KIF9: variants seen among roughly 807,000 people sequenced by gnomAD.
KIF9 encodes kinesin-like protein KIF9.
A neutral mutation model predicts 94.8 loss-of-function variants in KIF9; 68 were observed. The observed-to-expected ratio is 0.72, with a 90% CI of 0.59 to 0.88. KIF9 has a LOEUF of 0.88. KIF9 is among the 40% of genes least tolerant of loss of function. KIF9 has a pLI of 0.00. For synonymous variants in KIF9, 343 were observed against 362.1 expected, an observed-to-expected ratio of 0.95 and a Z score of 0.60; for missense variants, 882 against 982.5, an observed-to-expected ratio of 0.90 and a Z score of 1.37.
At chr3:47,238,188 A>G (rs969184157) in intron 17 of KIF9, among the ~76,000 whole-genome samples, 6 of 152,180 alleles carry the variant, frequency 3.9e-5, no homozygotes, top group Non-Finnish European at 8.8e-5. Context: ...TGGGTCAACA[A>G]GTGGCTGTCA....
rs201688834 is a variant in KIF9 at position 47,243,114 on chromosome 3, C to T, written c.1646G>A (p.Arg549Gln). 778 of 1,613,804 alleles carry T rather than the reference C, an allele frequency of 4.8e-4. 6 individuals are homozygous for T. The highest frequency in any genetic ancestry group is 5.0e-5 in the Non-Finnish European group (59 of 1,179,786). Residue 549 changes from arginine (R) to glutamine (Q), a missense_variant, in exon 16 of 21, where the codon CGG becomes CAG. Physicochemically the swap from Arg to Gln is conservative, Grantham distance 43. Coordinates refer to ENST00000684063, the MANE Select transcript of KIF9 (RefSeq NM_182902.4). ...AAGGGGCTCAATGCTGGAAGTTTCC[C>T]GGTCCCGCGAAAGCATGTCTTTGAC... is the stretch of plus-strand genomic sequence containing the variant. Reference protein sequence around the residue: ...GDVKDMLSRDRETSSIEPLPS... With the variant: ...GDVKDMLSRDQETSSIEPLPS...
At chr3:47,242,127 G>A (rs534462117) in intron 16 of KIF9, among the ~76,000 whole-genome samples, 1 of 151,878 alleles carries the variant, frequency 6.6e-6, no homozygotes, top group Non-Finnish European at 1.5e-5. Flanking sequence ...CAATCCTTTC[G>A]CCTTGGCCAA....
intron 4 of KIF9, among the ~76,000 whole-genome samples, chr3:47,272,617 T>C (rs1360249977): frequency 6.6e-6 from 1 of 152,188 alleles, no homozygotes; most frequent in Non-Finnish European, 1.5e-5. Context: ...AATAAGTTTA[T>C]ATTGATTACA....
chr3:47,271,157 GA>G (rs1701622158), intron 5 of KIF9, 79 bp downstream of exon 5: 2 of 1,013,764 alleles, frequency 2.0e-6, no homozygotes, highest in South Asian at 3.0e-5. Flanking sequence ...AAAAGAAAAA[GA>G]AAAAGAAAAA....
intron 20 of KIF9, 27 bp from the exon 21 acceptor site, chr3:47,228,729 G>A (rs370510208): frequency 1.9e-6 from 3 of 1,600,824 alleles, no homozygotes; most frequent in Non-Finnish European, 2.6e-6. Context: ...GAGAAAACAG[G>A]AACTTATTAG....
chr3:47,278,704 G>A (rs1702128579), intron 1 of KIF9, among the ~76,000 whole-genome samples: 1 of 152,158 alleles, frequency 6.6e-6, no homozygotes, highest in Non-Finnish European at 1.5e-5. Context: ...AGGTGCGGTG[G>A]CTCAGGCCTG....
intron 1 of KIF9, chr3:47,282,246 C>G (rs1178064952): frequency 1.0e-6 from 1 of 985,496 alleles, no homozygotes; most frequent in Non-Finnish European, 1.2e-6. Context: ...CTCACGGCCT[C>G]TATGTCCTGG....
chr3:47,245,121 C>A, intron 14 of KIF9, 197 bp from the exon 15 acceptor site: 1 of 647,582 alleles, frequency 1.5e-6, no homozygotes, highest in Non-Finnish European at 2.6e-6. Flanking sequence ...CCACTTTCCA[C>A]ATGCACCCCC....
At chr3:47,274,799 T>A (rs949948071) in intron 3 of KIF9, among the ~76,000 whole-genome samples, 4 of 151,674 alleles carry the variant, frequency 2.6e-5, no homozygotes, top group African/African-American at 7.3e-5. Flanking sequence ...CAGGATAAAT[T>A]ACAGCATCTA....
At chr3:47,280,674 A>G (rs1051657251) in intron 1 of KIF9, among the ~76,000 whole-genome samples, 1 of 152,196 alleles carries the variant, frequency 6.6e-6, no homozygotes, top group Admixed American at 6.5e-5. Context: ...ACAGCGTGAG[A>G]CTGTCTCAAC....
At chr3:47,249,069 A>G (rs1356664694) in intron 10 of KIF9, among the ~76,000 whole-genome samples, 2 of 149,402 alleles carry the variant, frequency 1.3e-5, no homozygotes, top group Non-Finnish European at 3.0e-5. Context: ...TTATAACCTC[A>G]TCCTTTCACC....
intron 17 of KIF9, chr3:47,239,948 G>A (rs764680831): frequency 1.5e-6 from 2 of 1,366,664 alleles, no homozygotes; most frequent in South Asian, 1.1e-5. Context: ...AGCCAGGAGT[G>A]TGAAGAACAG....
chr3:47,232,887 C>T (rs1698706465), intron 20 of KIF9, among the ~76,000 whole-genome samples: 1 of 148,972 alleles, frequency 6.7e-6, no homozygotes, highest in African/African-American at 2.5e-5. Flanking sequence ...GAGGCTGAGG[C>T]AGGAGAATGG....
intron 9 of KIF9, among the ~76,000 whole-genome samples, chr3:47,261,860 G>GC (rs1455979705): frequency 6.6e-6 from 1 of 152,198 alleles, no homozygotes; most frequent in Admixed American, 6.5e-5. Flanking sequence ...AAGTACAGCC[G>GC]CAAGTATGGC....
chr3:47,281,320 A>G (rs1444583982), intron 1 of KIF9: 2 of 368,234 alleles, frequency 5.4e-6, no homozygotes, highest in African/African-American at 4.1e-5. Context: ...GCACCTCACC[A>G]CACGCTTTTT....
chr3:47,247,601 C>T (rs536120413), intron 11 of KIF9, 124 bp from the exon 12 acceptor site: 175 of 732,612 alleles, frequency 2.4e-4, no homozygotes, highest in Middle Eastern at 1.1e-3. Context: ...CCCAAGCTGG[C>T]TCCTTCCCTT....
chr3:47,275,288 GTTCTTACA>G, intron 3 of KIF9, 29 bp downstream of exon 3: 1 of 1,480,930 alleles, frequency 6.8e-7, no homozygotes, highest in African/African-American at 1.4e-5. Context: ...TACTCCTCAG[GTTCTTACA>G]TAAGACAACA....
chr3:47,261,146 CA>C (rs1475793982), intron 9 of KIF9, among the ~76,000 whole-genome samples: 1 of 152,224 alleles, frequency 6.6e-6, no homozygotes, highest in Non-Finnish European at 1.5e-5. Context: ...TTCAACTCAG[CA>C]GAGGTCTAAA....
In KIF9 at chr3:47,265,790, T is replaced by A. The variant is rs753079182; in HGVS notation, c.856A>T (p.Lys286Ter). Residue 286 changes from lysine to a stop codon, truncating the protein, a stop_gained, in exon 8 of 21, where the codon AAG becomes TAG. Coordinates refer to ENST00000684063, the MANE Select transcript of KIF9 (RefSeq NM_182902.4). LOFTEE classifies it high-confidence loss of function. ...TGCCGAAAGGGGATGTGGTCCCGCT[T>A]CTGGTCCCCAAGGGCAATGATGGCC... The part of the protein sequence containing the change: ...EQAIIALGDQ[K>*]RDHIPFRQCK... 4 of 1,614,208 alleles carry A rather than the reference T, an allele frequency of 2.5e-6. No homozygotes were observed. In the Admixed American group the frequency reaches 6.7e-5, roughly 27 times the overall value.
Sources: gnomAD v4.1 joint callset for allele counts (sites outside exome capture counted in the v4.1 genomes callset) on GRCh38, gnomAD v4.1.1 for gene constraint, MANE v1.5 for transcripts, NCBI Gene and HGNC (gene_info 2026-07-23, HGNC 2026-07-21) for gene names.